The following CACNA2D1 variants were observed in gnomAD, a reference collection of about 807,000 sequenced individuals.
CACNA2D1 encodes the protein calcium voltage-gated channel auxiliary subunit alpha2delta 1.
Under a neutral mutation model 171.5 loss-of-function variants are expected in CACNA2D1, and 53 were observed. The observed-to-expected ratio is 0.31, with a 90% CI of 0.25 to 0.39. CACNA2D1 has a LOEUF of 0.39. Among genes scored for constraint, CACNA2D1 ranks in the 10% least tolerant of loss-of-function variants. The pLI is 1.00. For synonymous variants in CACNA2D1, 442 were observed against 443.1 expected, an observed-to-expected ratio of 1.00 and a Z score of 0.03; for missense variants, 903 against 1,299.8, an observed-to-expected ratio of 0.69 and a Z score of 4.69.
chr7:82,184,596 T>A (rs1797477204), intron 3 of CACNA2D1, among the ~76,000 whole-genome samples: 1 of 152,134 alleles, frequency 6.6e-6, no homozygotes, highest in Non-Finnish European at 1.5e-5. Context: ...ATCCTGTAAT[T>A]TTCCACTCAC....
At chr7:82,423,222 T>C (rs955050662) in intron 1 of CACNA2D1, among the ~76,000 whole-genome samples, 7 of 152,046 alleles carry the variant, frequency 4.6e-5, no homozygotes, top group African/African-American at 1.7e-4. Context: ...TATATACATA[T>C]ATATACACTT....
intron 4 of CACNA2D1, among the ~76,000 whole-genome samples, chr7:82,143,023 A>C (rs1792576130): frequency 9.9e-5 from 15 of 152,076 alleles, no homozygotes; most frequent in Admixed American, 9.8e-4. Context: ...AGGAACATGT[A>C]TGTGTGTGTA....
chr7:82,109,883 A>G (rs755535182), intron 6 of CACNA2D1, among the ~76,000 whole-genome samples: 1 of 152,172 alleles, frequency 6.6e-6, no homozygotes, highest in Non-Finnish European at 1.5e-5. Flanking sequence ...TTCAGCAATA[A>G]AGCCAGGACT....
At chr7:81,961,034 ATTTTTTTT>A (rs970936672) in intron 36 of CACNA2D1, among the ~76,000 whole-genome samples, 1 of 148,916 alleles carries the variant, frequency 6.7e-6, no homozygotes, top group Non-Finnish European at 1.5e-5. Flanking sequence ...CTCTTGCAAA[ATTTTTTTT>A]TTTAACTATT....
intron 1 of CACNA2D1, among the ~76,000 whole-genome samples, chr7:82,425,583 C>T (rs1245578168): frequency 2.0e-5 from 3 of 149,332 alleles, no homozygotes; most frequent in Middle Eastern, 3.5e-3. Flanking sequence ...GCTCTGTTGC[C>T]GAGGCTGGAG....
intron 3 of CACNA2D1, among the ~76,000 whole-genome samples, chr7:82,304,049 T>C (rs1813387784): frequency 2.0e-5 from 3 of 151,792 alleles, no homozygotes; most frequent in African/African-American, 7.3e-5. Context: ...TAGACATTTC[T>C]CAAAAGGAGA....
intron 1 of CACNA2D1, among the ~76,000 whole-genome samples, chr7:82,430,774 T>G (rs949369389): frequency 7.9e-5 from 12 of 152,188 alleles, no homozygotes; most frequent in African/African-American, 2.9e-4. Flanking sequence ...AAAACGCAAC[T>G]GGTCTTGATT....
chr7:82,137,707 T>TAAAAAAAAAAAAAAAAAAAAAAAAAA lies in CACNA2D1; in HGVS notation c.355-1032_355-1031insTTTTTTTTTTTTTTTTTTTTTTTTTT, dbSNP rs1174278503. ...TAATACAGTGAAACTCCGTCTCTAC[T>TAAAAAAAAAAAAAAAAAAAAAAAAAA]AAAAAAAAAAAAAAAAAAAAAAATT... On this transcript the variant is annotated intron_variant, in intron 4 of 38. Coordinates refer to ENST00000356860, the MANE Select transcript of CACNA2D1 (RefSeq NM_000722.4). 6.3e-5 allele frequency among the ~76,000 whole-genome samples: 5 copies of TAAAAAAAAAAAAAAAAAAAAAAAAAA among 78,830 alleles called. 1 individual carries two copies. The highest frequency in any genetic ancestry group is 1.6e-4 in the African/African-American group (3 of 18,758). 51.7% of individuals were successfully genotyped at this position (78,830 alleles called of 152,430 possible).
chr7:82,127,360 CA>C (rs35831073), intron 5 of CACNA2D1, among the ~76,000 whole-genome samples: 2 of 152,184 alleles, frequency 1.3e-5, no homozygotes, highest in African/African-American at 4.8e-5. Context: ...AACCTTGAAG[CA>C]AAATTAACAT....
chr7:82,027,764 T>C (rs1274809809), intron 12 of CACNA2D1: 1 of 151,880 alleles, frequency 6.6e-6, no homozygotes. Flanking sequence ...TTAGAATAGT[T>C]TAATCTTTTT....
intron 1 of CACNA2D1, among the ~76,000 whole-genome samples, chr7:82,410,714 G>C (rs1164652190): frequency 6.6e-6 from 1 of 152,174 alleles, no homozygotes; most frequent in Non-Finnish European, 1.5e-5. Context: ...AAAAGCACGG[G>C]GAAGGCAGAA....
Position 81,966,483 on chromosome 7 carries a change from T to C in CACNA2D1, c.2502+686A>G, listed in dbSNP as rs147384645. On this transcript the variant is annotated intron_variant, in intron 31 of 38. Coordinates refer to ENST00000356860, the MANE Select transcript of CACNA2D1 (RefSeq NM_000722.4). ...CATAATTTCACAGGAGTAGGAGTGA[T>C]AAAGACGATATGAACCCCCTGCTTC... is the stretch of plus-strand genomic sequence containing the variant. Among the ~76,000 whole-genome samples the C allele has an allele frequency of 5.9e-5, 9 of 151,540 alleles. No homozygotes were observed. In the East Asian group the frequency reaches 1.7e-3, roughly 29 times the overall value.
At chr7:82,244,382 C>T (rs565065821) in intron 3 of CACNA2D1, among the ~76,000 whole-genome samples, 8 of 152,126 alleles carry the variant, frequency 5.3e-5, no homozygotes, top group South Asian at 2.1e-4. Flanking sequence ...CATGAAGAAG[C>T]AAGAAATCTA....
chr7:82,311,615 TA>T (rs1814477602), intron 3 of CACNA2D1, among the ~76,000 whole-genome samples: 1 of 152,204 alleles, frequency 6.6e-6, no homozygotes, highest in South Asian at 2.1e-4. Context: ...TTTAAACATT[TA>T]CCTTTCTACT....
At chr7:82,078,769 G>A (rs1373349710) in intron 7 of CACNA2D1, among the ~76,000 whole-genome samples, 1 of 152,120 alleles carries the variant, frequency 6.6e-6, no homozygotes, top group African/African-American at 2.4e-5. Flanking sequence ...GAAGAAACAG[G>A]TACAGAAATA....
At position 82,175,935 on chromosome 7, in the gene CACNA2D1, G is replaced by GA. The variant is rs10709904; in HGVS notation, c.295-5327dup. Among the ~76,000 whole-genome samples, 185 of 151,474 alleles carry GA rather than the reference G, an allele frequency of 1.2e-3. 1 individual carries two copies. Among genetic ancestry groups the GA allele is most frequent in the East Asian group, 4.7e-3 (24 of 5,108 alleles). ...ACACGTACATATGAGCGAAATAAAT[G>GA]AAAAAAAATCTTAGTAGACCTTAAG... On this transcript the variant is annotated intron_variant, in intron 3 of 38. Transcript: ENST00000356860.
chr7:82,352,493 C>T (rs191049667), intron 1 of CACNA2D1, among the ~76,000 whole-genome samples: 2 of 152,126 alleles, frequency 1.3e-5, no homozygotes. Flanking sequence ...TAATAAGAAA[C>T]TAACATAGCA....
intron 3 of CACNA2D1, among the ~76,000 whole-genome samples, chr7:82,177,351 T>C (rs1796650810): frequency 6.6e-6 from 1 of 152,070 alleles, no homozygotes; most frequent in South Asian, 2.1e-4. Flanking sequence ...TTTTAAAAAA[T>C]ATGTAAATAT....
chr7:82,214,002 T>C (rs771987156), intron 3 of CACNA2D1, among the ~76,000 whole-genome samples: 1 of 152,194 alleles, frequency 6.6e-6, no homozygotes, highest in Non-Finnish European at 1.5e-5. Context: ...TTCTGGTTCA[T>C]AGATGGTGAC....
Sources: gnomAD v4.1 joint callset for allele counts (sites outside exome capture counted in the v4.1 genomes callset) on GRCh38, gnomAD v4.1.1 for gene constraint, MANE v1.5 for transcripts, NCBI Gene and HGNC (gene_info 2026-07-23, HGNC 2026-07-21) for gene names.